FRMPD3: variants seen among roughly 807,000 people sequenced by gnomAD.
The protein encoded by FRMPD3 is FERM and PDZ domain-containing protein 3.
Under a neutral mutation model 97.9 loss-of-function variants are expected in FRMPD3, and 42 were observed. The ratio of observed to expected loss-of-function variants is 0.43; its 90% CI spans 0.34 to 0.55. The LOEUF (loss-of-function observed/expected upper bound fraction) is 0.55, where lower values mean the gene tolerates loss of function less well. Ranked by LOEUF, FRMPD3 falls within the 20% of genes least tolerant of loss-of-function variation. The pLI is 0.03. For missense variants in FRMPD3, 1,303 were observed against 1,457.7 expected, an observed-to-expected ratio of 0.89 and a Z score of 1.73; for synonymous variants, 577 against 581.1, an observed-to-expected ratio of 0.99 and a Z score of 0.10.
chrX:107,581,410 C>T (rs1923382010), intron 13 of FRMPD3, among the ~76,000 whole-genome samples: 1 of 110,097 alleles, frequency 9.1e-6, no homozygotes, highest in Non-Finnish European at 1.9e-5. Flanking sequence ...CACGCCTAGC[C>T]TTTTGCTGTT....
At chrX:107,483,349 C>A (rs763156056) in intron 1 of FRMPD3, among the ~76,000 whole-genome samples, 1 of 112,479 alleles carries the variant, frequency 8.9e-6, no homozygotes, top group South Asian at 3.7e-4. Flanking sequence ...GAGCTTTTTA[C>A]ACAAAGGCAC....
In FRMPD3 at chrX:107,576,368, C is replaced by T; in HGVS notation, c.1350C>T (p.Ile450=). ...WPEATNFACL[I]AGYCRLLLDS... ...AAGCCACCAACTTTGCCTGCCTGAT[C>T]GCGGGGTACTGCCGCCTCTTGCTGG... Residue 450 remains isoleucine, a synonymous_variant, in exon 13 of 15, where the codon ATC becomes ATT. Transcript: ENST00000683843. 6.6e-6 allele frequency: 8 copies of T among 1,210,504 alleles called. No homozygotes were observed. Among genetic ancestry groups the T allele is most frequent in the Non-Finnish European group, 8.9e-6 (8 of 895,140 alleles).
At chrX:107,549,272 G>A (rs1921748991) in intron 5 of FRMPD3, among the ~76,000 whole-genome samples, 1 of 107,516 alleles carries the variant, frequency 9.3e-6, no homozygotes, top group Non-Finnish European at 1.9e-5. Flanking sequence ...GCAGCGAGCC[G>A]AGATCACACC....
chrX:107,520,920 A>G (rs191917345), intron 1 of FRMPD3, among the ~76,000 whole-genome samples: 94 of 112,346 alleles, frequency 8.4e-4, no homozygotes, highest in African/African-American at 2.9e-3. Context: ...CACCTGGAGC[A>G]TAGTAAGTCC....
At position 107,476,414 on chromosome X, in the gene FRMPD3, C is replaced by T. The variant is rs780197787; in HGVS notation, c.-8+26409C>T. On this transcript the variant is annotated intron_variant, in intron 1 of 14. Transcript: ENST00000683843. Reference sequence around the variant, plus strand: ...TGAAGTTTTATAATTTATCCCATTTCGTCACTAGAATCTTAACCACTGAGG... The same window carrying T: ...TGAAGTTTTATAATTTATCCCATTTTGTCACTAGAATCTTAACCACTGAGG... Among the ~76,000 whole-genome samples the T allele has an allele frequency of 2.0e-3, 220 of 112,423 alleles. 2 individuals carry two copies. The highest frequency in any genetic ancestry group is 2.4e-3 in the Non-Finnish European group (128 of 53,316).
intron 1 of FRMPD3, among the ~76,000 whole-genome samples, chrX:107,453,629 C>T (rs1283678509): frequency 8.9e-6 from 1 of 112,144 alleles, no homozygotes; most frequent in Non-Finnish European, 1.9e-5. Flanking sequence ...ACCTTATTGT[C>T]TGCTGAGAAA....
intron 1 of FRMPD3, chrX:107,522,558 T>A: frequency 4.2e-6 from 2 of 481,559 alleles, no homozygotes; most frequent in Admixed American, 3.0e-5. Context: ...GGGCCACCAA[T>A]GTGCTTAGCC....
At chrX:107,522,470 G>C (rs187533209) in intron 1 of FRMPD3, 1 of 553,932 alleles carries the variant, frequency 1.8e-6, no homozygotes, top group East Asian at 3.3e-5. Context: ...TGGATAGCCA[G>C]AGGGTCCAGG....
intron 8 of FRMPD3, among the ~76,000 whole-genome samples, chrX:107,557,261 C>T (rs1922119631): frequency 1.8e-5 from 2 of 110,018 alleles, no homozygotes; most frequent in African/African-American, 3.3e-5. Flanking sequence ...TTTGATGCTA[C>T]GCATCTTCTC....
chrX:107,487,594 G>A (rs1345843610), intron 1 of FRMPD3, among the ~76,000 whole-genome samples: 2 of 111,210 alleles, frequency 1.8e-5, no homozygotes, highest in Non-Finnish European at 3.8e-5. Context: ...CCCACCACAG[G>A]CTTATTTATG....
At chrX:107,539,239 A>G (rs1014674965) in intron 4 of FRMPD3, among the ~76,000 whole-genome samples, 3 of 111,557 alleles carry the variant, frequency 2.7e-5, no homozygotes, top group East Asian at 2.8e-4. Context: ...ATGGCAGACA[A>G]TTGGGGAGAG....
chrX:107,521,571 A>G (rs1209039070), intron 1 of FRMPD3, among the ~76,000 whole-genome samples: 2 of 112,914 alleles, frequency 1.8e-5, no homozygotes, highest in Admixed American at 9.3e-5. Context: ...TCCTTACAAA[A>G]GGGCACACAG....
In FRMPD3 at chrX:107,532,982, C is replaced by T. The variant is rs923738674; in HGVS notation, c.252-523C>T. Among the ~76,000 whole-genome samples the T allele has an allele frequency of 2.7e-5, 3 of 111,703 alleles. No homozygotes were observed. The Admixed American group carries it at 2.9e-4, about 11-fold the overall frequency. ...TTGGCTTCCATCTGTTGCTCCCTGG[C>T]TCTCTTTTTTGGTCCCTCAATTAAA... On this transcript the variant is annotated intron_variant, in intron 3 of 14. Transcript: ENST00000683843.
In FRMPD3 at chrX:107,603,969, G is replaced by A. The variant is rs191632637; in HGVS notation, c.*596G>A. On this transcript the variant is annotated 3_prime_UTR_variant, in exon 15 of 15. Transcript: ENST00000683843. Reference sequence around the variant, plus strand: ...GCTGTTTGCAGCGGCCCAACTGGCCGGCAGCCTGGTGAGCCCTCACCTCCA... The same window carrying A: ...GCTGTTTGCAGCGGCCCAACTGGCCAGCAGCCTGGTGAGCCCTCACCTCCA... 4.6e-3 allele frequency: 517 copies of A among 111,365 alleles called. 2 individuals are homozygous for A. The highest frequency in any genetic ancestry group is 0.016 in the African/African-American group (487 of 30,562). 9.2% of individuals were successfully genotyped at this position (111,365 alleles called of 1,213,427 possible). A position where few individuals can be genotyped will look rare whatever the true frequency, so the allele number is the denominator to read the frequency against.
intron 3 of FRMPD3, 83 bp from the exon 4 acceptor site, chrX:107,533,422 G>A: frequency 1.2e-6 from 1 of 857,335 alleles, no homozygotes; most frequent in East Asian, 3.2e-5. Flanking sequence ...TAAAGCCAGG[G>A]GAAGATTCTG....
intron 1 of FRMPD3, among the ~76,000 whole-genome samples, chrX:107,471,565 C>A (rs1602752828): frequency 9.0e-6 from 1 of 111,008 alleles, no homozygotes; most frequent in East Asian, 2.8e-4. Context: ...GTTTTCTGTT[C>A]CTGTGTTAGT....
chrX:107,520,245 G>A (rs745480690), intron 1 of FRMPD3, among the ~76,000 whole-genome samples: 1 of 110,911 alleles, frequency 9.0e-6, no homozygotes, highest in East Asian at 2.8e-4. Context: ...GGGGCTTCAA[G>A]GGAGGCTGCT....
intron 4 of FRMPD3, among the ~76,000 whole-genome samples, chrX:107,536,175 G>T (rs1490547000): frequency 9.0e-6 from 1 of 110,927 alleles, no homozygotes; most frequent in East Asian, 2.8e-4. Context: ...AACATAGAAT[G>T]AGACCTCGTC....
chrX:107,482,038 T>A (rs1240438713), intron 1 of FRMPD3, among the ~76,000 whole-genome samples: 1 of 111,762 alleles, frequency 8.9e-6, no homozygotes, highest in Non-Finnish European at 1.9e-5. Context: ...CAGTCCTTTT[T>A]TATAAATCAT....
Sources: allele counts gnomAD v4.1 joint callset (sites outside exome capture counted in the v4.1 genomes callset), GRCh38; gene constraint gnomAD v4.1.1; transcripts MANE v1.5; gene names NCBI Gene and HGNC (gene_info 2026-07-23, HGNC 2026-07-21).